Variants in ETV4 observed in about 807,000 individuals in gnomAD.
The protein encoded by ETV4 is ETS translocation variant 4.
Under a neutral mutation model 65.9 loss-of-function variants are expected in ETV4, and 42 were observed. The ratio of observed to expected loss-of-function variants is 0.64; its 90% CI spans 0.50 to 0.82. The LOEUF (loss-of-function observed/expected upper bound fraction) is 0.82. Among genes scored for constraint, ETV4 ranks in the 40% least tolerant of loss-of-function variants. ETV4 has a pLI of 0.00. For synonymous variants in ETV4, 238 were observed against 260.0 expected (o/e 0.92, Z 0.81); for missense variants, 583 against 630.3 (o/e 0.92, Z 0.80).
rs140234269 is a variant in ETV4, at chr17:43,545,018, G to A, written c.159C>T (p.Leu53=). ...CCTGGAAGTGACTTAGATCCTGGAA[G>A]AGATCTGAGGGGTAAATAGTGGAAT... ...GSLPPLDSED[L]FQDLSHFQET... The change falls in exon 4 of 13, where the codon CTC becomes CTT. Residue 53 remains leucine (L), a synonymous_variant. Coordinates refer to ENST00000319349, the MANE Select transcript of ETV4 (RefSeq NM_001079675.5). The A allele has an allele frequency of 1.2e-6, 2 of 1,613,942 alleles. No individual in the cohort carries two copies. Among genetic ancestry groups the A allele is most frequent in the African/African-American group, 2.7e-5 (2 of 75,044 alleles).
intron 4 of ETV4, among the ~76,000 whole-genome samples, chr17:43,540,150 C>T (rs185672705): frequency 3.9e-5 from 6 of 152,272 alleles, no homozygotes; most frequent in Admixed American, 3.9e-4. Flanking sequence ...GTCACCAGGA[C>T]GTTGTTAAAA....
chr17:43,540,466 AAAAAT>A (rs1567714665), intron 4 of ETV4, among the ~76,000 whole-genome samples: 1 of 152,184 alleles, frequency 6.6e-6, no homozygotes, highest in Non-Finnish European at 1.5e-5. Context: ...TAACAATAAT[AAAAAT>A]AAAATAAAAA....
intron 5 of ETV4, among the ~76,000 whole-genome samples, chr17:43,535,801 A>G (rs1282138574): frequency 6.6e-6 from 1 of 152,180 alleles, no homozygotes; most frequent in Non-Finnish European, 1.5e-5. Flanking sequence ...TCCCCAGTTT[A>G]TGGAAGTGAC....
chr17:43,545,394 G>C, intron 2 of ETV4, 27 bp from the exon 3 acceptor site: 1 of 1,538,912 alleles, frequency 6.5e-7, no homozygotes. Flanking sequence ...GAATGCCCGC[G>C]AGTCACCCTG....
rs145234272 is a variant in ETV4, at chr17:43,530,521, A to G, written c.812-340T>C. On this transcript the variant is annotated intron_variant, in intron 8 of 12. Transcript: ENST00000319349. ...GGAGGGTGAGATGAACGTCCGGGGA[A>G]AGAGTTCGGTGTCCACGCCTAAGAC... 1.2e-5 allele frequency: 12 copies of G among 1,023,858 alleles called. No individual in the cohort carries two copies. The African/African-American group carries it at 1.9e-4, about 17-fold the overall frequency. The allele number at this position is 1,023,858 out of a possible 1,614,324, so 63.4% of individuals were successfully genotyped here.
intron 8 of ETV4, chr17:43,530,545 A>C: frequency 1.3e-6 from 1 of 743,620 alleles, no homozygotes. Flanking sequence ...CACGCCTAAG[A>C]CTCCCTCAGA....
intron 4 of ETV4, among the ~76,000 whole-genome samples, chr17:43,538,870 CTG>C (rs1287714185): frequency 3.3e-5 from 5 of 152,148 alleles, no homozygotes; most frequent in Admixed American, 2.0e-4. Flanking sequence ...AATGGGGAAA[CTG>C]ATAAAATGCC....
chr17:43,533,684 C>G (rs985614524), intron 6 of ETV4, among the ~76,000 whole-genome samples, 175 bp downstream of exon 6: 4 of 152,082 alleles, frequency 2.6e-5, no homozygotes, highest in African/African-American at 9.7e-5. Flanking sequence ...CCCTCTGCTG[C>G]GTTTTCCGTC....
intron 6 of ETV4, 47 bp from the exon 7 acceptor site, chr17:43,533,395 A>G (rs948485220): frequency 5.1e-6 from 8 of 1,562,724 alleles, no homozygotes; most frequent in Non-Finnish European, 7.0e-6. Flanking sequence ...GAAGCTGGAA[A>G]GCATCTTTGA....
At chr17:43,532,061 T>G (rs187964795) in intron 8 of ETV4, among the ~76,000 whole-genome samples, 43 of 152,360 alleles carry the variant, frequency 2.8e-4, no homozygotes, top group African/African-American at 4.3e-4. Flanking sequence ...GGTCTCACTT[T>G]GTTGCCTAAG....
chr17:43,536,413 GACCTCT>G lies in ETV4; in HGVS notation c.256+7_256+12del. 6.2e-7 allele frequency: 1 copy of G among 1,612,946 alleles called. No homozygotes were observed. The highest frequency in any genetic ancestry group is 8.5e-7 in the Non-Finnish European group (1 of 1,178,920). ...CCACTCCCTATACCCTCTCCCCAGG[GACCTCT>G]ACTCACGGTTTTCTGAATGGAAATC... is the stretch of plus-strand genomic sequence containing the variant. On this transcript the variant is annotated splice_region_variant and intron_variant, in intron 5 of 12. Transcript: ENST00000319349.
rs569691133 is a variant in ETV4 at position 43,531,755 on chromosome 17, G to C, written c.811+919C>G. Among the ~76,000 whole-genome samples, 27 of 152,272 alleles carry C rather than the reference G, an allele frequency of 1.8e-4. No individual in the cohort carries two copies. The South Asian group carries it at 4.6e-3, about 26-fold the overall frequency. On this transcript the variant is annotated intron_variant, in intron 8 of 12. Transcript: ENST00000319349. ...AACCCTGCCCTCCTATTGAGAACTA[G>C]CAAGAACCATGAGCCTGGCTAGTTT... is the stretch of plus-strand genomic sequence containing the variant.
At chr17:43,533,149 C>T in intron 7 of ETV4, 38 bp downstream of exon 7, 1 of 1,606,858 alleles carries the variant, frequency 6.2e-7, no homozygotes, top group African/African-American at 1.3e-5. Flanking sequence ...TGAAAAAACA[C>T]CTGGGCCCAT....
chr17:43,533,320 T>C lies in ETV4; in HGVS notation c.412A>G (p.Ile138Val), dbSNP rs1598201507. Residue 138 changes from isoleucine (I) to valine (V), a missense_variant, in exon 7 of 13, where the codon ATC becomes GTC. By Grantham distance (29) the Ile-to-Val change is conservative. Transcript: ENST00000319349. ...AGGGCACCAGGGGCAGGGGACTTGA[T>C]GGCGATTTGTCTGGGGGGGTCATAG... ...SAYDPPRQIAIKSPAPGALGQ... is the reference protein window; with the variant it reads ...SAYDPPRQIAVKSPAPGALGQ... The C allele has an allele frequency of 4.3e-6, 7 of 1,613,514 alleles. No homozygotes were observed. In the East Asian group the frequency reaches 1.6e-4, roughly 36 times the overall value.
intron 4 of ETV4, among the ~76,000 whole-genome samples, chr17:43,538,494 G>A (rs1403780982): frequency 6.6e-6 from 1 of 152,152 alleles, no homozygotes; most frequent in Non-Finnish European, 1.5e-5. Context: ...ATGCCAGGAT[G>A]GGTGGAGCTG....
intron 8 of ETV4, among the ~76,000 whole-genome samples, chr17:43,531,837 T>C (rs1200386937): frequency 6.6e-6 from 1 of 152,214 alleles, no homozygotes; most frequent in Non-Finnish European, 1.5e-5. Context: ...TCTGTGGGGA[T>C]AGGGACCAGA....
chr17:43,545,048 G>A (rs767729661), intron 3 of ETV4, 26 bp from the exon 4 acceptor site: 1 of 1,612,324 alleles, frequency 6.2e-7, no homozygotes, highest in East Asian at 2.2e-5. Flanking sequence ...TGGAATTGGA[G>A]GTGAGGTGGA....
chr17:43,534,802 G>A (rs559305016), intron 5 of ETV4, among the ~76,000 whole-genome samples: 45 of 151,930 alleles, frequency 3.0e-4, no homozygotes, highest in Admixed American at 6.5e-4. Context: ...TTAGCCGGGC[G>A]TGGTGGCACA....
chr17:43,528,401 G>A lies in ETV4; in HGVS notation c.*118C>T. The stretch of plus-strand genomic sequence containing the variant: ...CTGGGCTAGGGCAACTGGTAGGACA[G>A]TGGGGATCTGCCCCAGAGACATCTG... On this transcript the variant is annotated 3_prime_UTR_variant, in exon 13 of 13. Coordinates refer to ENST00000319349, the MANE Select transcript of ETV4 (RefSeq NM_001079675.5). 1.4e-6 allele frequency: 1 copy of A among 698,786 alleles called. No individual in the cohort carries two copies. Among genetic ancestry groups the A allele is most frequent in the Non-Finnish European group, 2.4e-6 (1 of 420,102 alleles). The allele number at this position is 698,786 out of a possible 1,614,324, so 43.3% of individuals were successfully genotyped here. A position where few individuals can be genotyped will look rare whatever the true frequency, so the allele number is the denominator to read the frequency against.
Sources: gnomAD v4.1 joint callset for allele counts (sites outside exome capture counted in the v4.1 genomes callset) on GRCh38, gnomAD v4.1.1 for gene constraint, MANE v1.5 for transcripts, NCBI Gene and HGNC (gene_info 2026-07-23, HGNC 2026-07-21) for gene names.